HEATR5B: variants seen among roughly 807,000 people sequenced by gnomAD.
HEATR5B encodes HEAT repeat containing 5B.
Under a neutral mutation model 224.1 loss-of-function variants are expected in HEATR5B, and 156 were observed. The observed-to-expected ratio is 0.70, with a 90% CI of 0.61 to 0.80. The LOEUF (loss-of-function observed/expected upper bound fraction) is 0.80. Among genes scored for constraint, HEATR5B ranks in the 30% least tolerant of loss-of-function variants. The pLI, the probability that HEATR5B is intolerant of heterozygous loss-of-function variation, is 0.00. For synonymous variants in HEATR5B, 1,027 were observed against 893.0 expected (o/e 1.15, Z -2.68); for missense variants, 2,323 against 2,535.5 (o/e 0.92, Z 1.80).
chr2:37,033,481 G>T (rs1354049365), intron 21 of HEATR5B, among the ~76,000 whole-genome samples: 11 of 152,068 alleles, frequency 7.2e-5, no homozygotes, highest in African/African-American at 2.4e-4. Context: ...GAAAAGTTAG[G>T]GGGCAGAGCA....
chr2:37,083,464 TGTAA>T lies in HEATR5B; in HGVS notation c.-22-32_-22-29del, dbSNP rs1373070699. The T allele has an allele frequency of 6.0e-6, 9 of 1,508,662 alleles. No individual in the cohort carries two copies. In the East Asian group the frequency reaches 6.8e-5, roughly 11 times the overall value. The allele number at this position is 1,508,662 out of a possible 1,614,324, so 93.5% of individuals were successfully genotyped here. A position where few individuals can be genotyped will look rare whatever the true frequency, so the allele number is the denominator to read the frequency against. ...TAAATTTAACAGAGTAAAAAATACT[TGTAA>T]GTATTTTTTAATGTTAAAAGTCAAG... On this transcript the variant is annotated intron_variant, in intron 1 of 35. Transcript: ENST00000233099.
intron 17 of HEATR5B, 74 bp from the exon 18 acceptor site, chr2:37,049,917 G>GTCT: frequency 7.3e-7 from 1 of 1,374,466 alleles, no homozygotes; most frequent in Non-Finnish European, 9.5e-7. Flanking sequence ...TTAAGGCAAG[G>GTCT]TCTTGCTCCC....
At chr2:37,032,559 A>T in intron 22 of HEATR5B, 70 bp downstream of exon 22, 2 of 1,278,240 alleles carry the variant, frequency 1.6e-6, no homozygotes, top group Non-Finnish European at 2.2e-6. Context: ...ATGTTATTTG[A>T]TAAATAGTAC....
intron 26 of HEATR5B, among the ~76,000 whole-genome samples, chr2:37,018,421 C>T (rs969757164): frequency 6.6e-6 from 1 of 152,144 alleles, no homozygotes; most frequent in African/African-American, 2.4e-5. Flanking sequence ...ACCAAATTAC[C>T]TAGTCGAAGG....
At chr2:37,046,893 T>C (rs1181791921) in intron 18 of HEATR5B, among the ~76,000 whole-genome samples, 2 of 150,920 alleles carry the variant, frequency 1.3e-5, no homozygotes, top group Non-Finnish European at 3.0e-5. Flanking sequence ...CTACTAAAAA[T>C]ACAAGAATTA....
At chr2:37,048,603 T>A (rs1247246865) in intron 18 of HEATR5B, among the ~76,000 whole-genome samples, 1 of 152,200 alleles carries the variant, frequency 6.6e-6, no homozygotes, top group Non-Finnish European at 1.5e-5. Context: ...ATTAAATGGA[T>A]AACTAAGATT....
intron 26 of HEATR5B, among the ~76,000 whole-genome samples, chr2:37,014,484 G>C (rs923468602): frequency 6.6e-6 from 1 of 151,714 alleles, no homozygotes; most frequent in Non-Finnish European, 1.5e-5. Flanking sequence ...TATATCAATG[G>C]TAAGCATAGA....
intron 34 of HEATR5B, 28 bp downstream of exon 34, chr2:36,990,620 A>T (rs1407971097): frequency 1.3e-6 from 2 of 1,508,988 alleles, no homozygotes; most frequent in Non-Finnish European, 1.8e-6. Flanking sequence ...AAATGTTTTT[A>T]TCTATGTCTG....
intron 21 of HEATR5B, among the ~76,000 whole-genome samples, chr2:37,037,155 T>TATATATATATATATATATATATAC (rs1243537262): frequency 2.2e-5 from 3 of 136,866 alleles, no homozygotes; most frequent in African/African-American, 8.0e-5. Context: ...GATATATATA[T>TATATATATATATATATATATATAC]ATATTTTGGA....
At chr2:37,072,646 A>C (rs939098686) in intron 5 of HEATR5B, among the ~76,000 whole-genome samples, 2 of 152,214 alleles carry the variant, frequency 1.3e-5, no homozygotes, top group African/African-American at 4.8e-5. Context: ...AAAGGAAATA[A>C]TAAAGGAAAT....
chr2:37,031,049 G>A (rs1425519515), intron 22 of HEATR5B, among the ~76,000 whole-genome samples: 1 of 152,154 alleles, frequency 6.6e-6, no homozygotes, highest in South Asian at 2.1e-4. Flanking sequence ...AAAAACATTG[G>A]GCATTAAGTC....
At chr2:37,071,620 A>G (rs1421490837) in intron 6 of HEATR5B, among the ~76,000 whole-genome samples, 2 of 152,058 alleles carry the variant, frequency 1.3e-5, no homozygotes, top group African/African-American at 4.8e-5. Context: ...ATTGCTAGAT[A>G]TCCTGTACAT....
rs578172686 is a variant in HEATR5B, at chr2:37,057,467, T to G, written c.2073A>C (p.Ala691=). ...PPKTYEGSFN[A]LLRELVAEFT... is the part of the protein sequence containing the mutation. ...ATTCCGCTACCAGTTCTCTAAGAAG[T>G]GCATTAAAAGATCCTAAAAAACAGA... Residue 691 remains alanine, a synonymous_variant, in exon 15 of 36, where the codon GCA becomes GCC. Transcript: ENST00000233099. 4 of 1,604,456 alleles carry G rather than the reference T, an allele frequency of 2.5e-6. No homozygotes were observed. The East Asian group carries it at 9.0e-5, about 36-fold the overall frequency.
At chr2:37,046,387 G>A (rs1016689507) in intron 18 of HEATR5B, among the ~76,000 whole-genome samples, 2 of 152,052 alleles carry the variant, frequency 1.3e-5, no homozygotes, top group Admixed American at 6.6e-5. Context: ...GTCTGTAATC[G>A]CAGCATTTTG....
At chr2:36,984,126 G>C (rs1242776990) in intron 35 of HEATR5B, among the ~76,000 whole-genome samples, 1 of 144,988 alleles carries the variant, frequency 6.9e-6, no homozygotes, top group African/African-American at 2.6e-5. Flanking sequence ...CTTGAACTCG[G>C]GAGGCGGAGG....
At chr2:37,067,936 C>T (rs1055227963) in intron 8 of HEATR5B, among the ~76,000 whole-genome samples, 5 of 152,094 alleles carry the variant, frequency 3.3e-5, no homozygotes, top group South Asian at 2.1e-4. Context: ...ATCCTTATTT[C>T]AAAAGACCTC....
At chr2:37,073,474 C>T (rs1672031439) in intron 5 of HEATR5B, among the ~76,000 whole-genome samples, 3 of 152,120 alleles carry the variant, frequency 2.0e-5, no homozygotes, top group African/African-American at 7.2e-5. Flanking sequence ...AAACTCCTGA[C>T]CTCAGGTGAT....
At chr2:37,025,770 C>T (rs1043038276) in intron 24 of HEATR5B, among the ~76,000 whole-genome samples, 1 of 152,104 alleles carries the variant, frequency 6.6e-6, no homozygotes, top group Non-Finnish European at 1.5e-5. Context: ...AAAGGTCAAC[C>T]TAAGGATTTT....
At chr2:36,984,908 A>C (rs181570084) in intron 35 of HEATR5B, among the ~76,000 whole-genome samples, 53 of 152,292 alleles carry the variant, frequency 3.5e-4, no homozygotes, top group African/African-American at 1.2e-3. Context: ...TTTCTCTTGA[A>C]ACCTAGAGAA....
Sources: gnomAD v4.1 joint callset for allele counts (sites outside exome capture counted in the v4.1 genomes callset) on GRCh38, gnomAD v4.1.1 for gene constraint, MANE v1.5 for transcripts, NCBI Gene and HGNC (gene_info 2026-07-23, HGNC 2026-07-21) for gene names.